Variants in NOS1 observed in about 807,000 individuals in gnomAD.
The protein encoded by NOS1 is nitric oxide synthase 1.
In NOS1, 51 loss-of-function variants were observed where a neutral mutation model predicts 164.5. The observed-to-expected ratio is 0.31, with a 90% CI of 0.25 to 0.39. NOS1 has a LOEUF of 0.39. Ranked by LOEUF, NOS1 falls within the 10% of genes least tolerant of loss-of-function variation. The pLI is 1.00. For missense variants in NOS1, 1,362 were observed against 1,885.6 expected (o/e 0.72, Z 5.14); for synonymous variants, 719 against 745.8 (o/e 0.96, Z 0.59).
chr12:117,290,889 C>A (rs764899713), intron 3 of NOS1, among the ~76,000 whole-genome samples: 2 of 152,084 alleles, frequency 1.3e-5, no homozygotes, highest in South Asian at 4.2e-4. Context: ...CCATTTCTGG[C>A]GAGTACTGAG....
intron 14 of NOS1, among the ~76,000 whole-genome samples, chr12:117,259,938 T>C (rs1408730547): frequency 4.0e-5 from 6 of 151,376 alleles, no homozygotes; most frequent in Non-Finnish European, 7.4e-5. Context: ...GCTAACACAG[T>C]GAAGCCCCGT....
At chr12:117,249,235 A>G (rs1870896971) in intron 17 of NOS1, among the ~76,000 whole-genome samples, 1 of 152,100 alleles carries the variant, frequency 6.6e-6, no homozygotes, top group African/African-American at 2.4e-5. Context: ...TGGTCAGGCA[A>G]CCCCAAGCTC....
Position 117,272,669 on chromosome 12 carries a change from A to C in NOS1, c.1665-110T>G. The C allele has an allele frequency of 9.8e-7, 1 of 1,018,708 alleles. No individual in the cohort carries two copies. The highest frequency in any genetic ancestry group is 1.4e-6 in the Non-Finnish European group (1 of 695,508). 63.1% of individuals were successfully genotyped at this position (1,018,708 alleles called of 1,614,324 possible). Reference sequence around the variant, plus strand: ...AGGATGGACTGGGACTGACAAGGTCAGAATATGGTTCCTGGGCCCTGCTTC... The same window carrying C: ...AGGATGGACTGGGACTGACAAGGTCCGAATATGGTTCCTGGGCCCTGCTTC... On this transcript the variant is annotated intron_variant, in intron 9 of 28. Transcript: ENST00000317775. This position sits in a 1 kb window ranked among gnomAD's most constrained non-coding sequence, Gnocchi z 4.3.
rs951443675 is a variant in NOS1, at chr12:117,220,207, C to T, written c.4038G>A (p.Glu1346=). The change falls in exon 27 of 29, where the codon GAG becomes GAA. Residue 1346 remains glutamate (E), a synonymous_variant. Transcript: ENST00000317775. ...CACAGACGTATATGTGGCCCCCTTGCTCCTTCAGGGCTCGGTACACAGACT... is the reference window on the plus strand; with the variant it reads ...CACAGACGTATATGTGGCCCCCTTGTTCCTTCAGGGCTCGGTACACAGACT... The part of the protein sequence containing the change: ...LAESVYRALK[E]QGGHIYVCGD... 35 of 1,613,604 alleles carry T rather than the reference C, an allele frequency of 2.2e-5. No homozygotes were observed. Among genetic ancestry groups the T allele is most frequent in the Non-Finnish European group, 3.0e-5 (35 of 1,179,984 alleles).
At chr12:117,322,950 G>A (rs1442785693) in intron 2 of NOS1, among the ~76,000 whole-genome samples, 2 of 149,432 alleles carry the variant, frequency 1.3e-5, no homozygotes, top group Non-Finnish European at 3.0e-5. Context: ...CTAAATGATG[G>A]GGATTCAGAG....
intron 3 of NOS1, among the ~76,000 whole-genome samples, chr12:117,292,597 G>C (rs779277493): frequency 2.6e-5 from 4 of 152,198 alleles, no homozygotes; most frequent in Non-Finnish European, 4.4e-5. Flanking sequence ...CCATTTTACA[G>C]ATTAGGAAAC....
chr12:117,306,858 G>T lies in NOS1; in HGVS notation c.852+4608C>A, dbSNP rs193190472. 3.3e-5 allele frequency among the ~76,000 whole-genome samples: 5 copies of T among 152,310 alleles called. No individual in the cohort carries two copies. In the East Asian group the frequency reaches 5.8e-4, roughly 18 times the overall value. On this transcript the variant is annotated intron_variant, in intron 3 of 28. Transcript: ENST00000317775. ...TGGTCTCAAACTCCTGACCTCAGGG[G>T]ATCTTCCCACCCTGGCCTCCCAAAG...
chr12:117,346,766 G>A (rs1209793201), intron 1 of NOS1, among the ~76,000 whole-genome samples: 1 of 152,016 alleles, frequency 6.6e-6, no homozygotes, highest in East Asian at 1.9e-4. Flanking sequence ...CTAAAGCCCC[G>A]TGTGACTTTT....
At chr12:117,257,607 C>CTTTTTTTTTTTTTT (rs151304592) in intron 16 of NOS1, among the ~76,000 whole-genome samples, 4 of 99,122 alleles carry the variant, frequency 4.0e-5, no homozygotes, top group Non-Finnish European at 7.5e-5. Flanking sequence ...TTGATTTTAG[C>CTTTTTTTTTTTTTT]TTTTTTTTTT....
intron 3 of NOS1, among the ~76,000 whole-genome samples, chr12:117,304,362 C>G (rs1156447166): frequency 6.6e-6 from 1 of 152,172 alleles, no homozygotes; most frequent in Non-Finnish European, 1.5e-5. Context: ...AAAACCCAGA[C>G]CAGGTGTCAC....
At chr12:117,222,292 G>T (rs1956719522) in intron 26 of NOS1, among the ~76,000 whole-genome samples, 1 of 152,062 alleles carries the variant, frequency 6.6e-6, no homozygotes, top group Admixed American at 6.6e-5. Flanking sequence ...GTCTCACTTT[G>T]TCACCCAGGC....
intron 18 of NOS1, chr12:117,245,501 T>C (rs1267276866): frequency 6.6e-6 from 1 of 152,136 alleles, no homozygotes; most frequent in African/African-American, 2.4e-5. Context: ...AGCAATGGGA[T>C]TTTTTTTAAA....
At position 117,225,053 on chromosome 12, in the gene NOS1, G is replaced by A. The variant is rs775450337; in HGVS notation, c.3789C>T (p.Ser1263=). 2 of 1,614,106 alleles carry A rather than the reference G, an allele frequency of 1.2e-6. No homozygotes were observed. Among genetic ancestry groups the A allele is most frequent in the Non-Finnish European group, 1.7e-6 (2 of 1,180,054 alleles). The change falls in exon 25 of 29, where the codon AGC becomes AGT. Residue 1263 remains serine, a synonymous_variant. Coordinates refer to ENST00000317775, the MANE Select transcript of NOS1 (RefSeq NM_000620.5). ...GPGTGIAPFR[S]FWQQRQFDIQ... is the part of the protein sequence containing the mutation. The stretch of plus-strand genomic sequence containing the variant: ...TATCAAATTGCCGCTGTTGCCAGAA[G>A]CTTCGGAAAGGGGCAATGCCGGTGC...
At chr12:117,261,303 C>T (rs533181070) in intron 13 of NOS1, among the ~76,000 whole-genome samples, 5 of 151,902 alleles carry the variant, frequency 3.3e-5, no homozygotes, top group African/African-American at 1.2e-4. Context: ...GTTTGCCAAG[C>T]ATTGCCTCAA....
At chr12:117,327,909 C>T (rs473640) in intron 2 of NOS1, among the ~76,000 whole-genome samples, 112,021 of 151,920 alleles carry the variant, frequency 0.74, 42,313 homozygotes, top group South Asian at 0.82. Context: ...TCTTGGGTCT[C>T]ACTGGAATTG....
Position 117,227,452 on chromosome 12 carries a change from T to C in NOS1, c.3595A>G (p.Ile1199Val). ...CCACCTCGAGTGCGGTAGGAAACGA[T>C]GGCCACAGTGAGGTGCACTTCATCA... is the stretch of plus-strand genomic sequence containing the variant. ...YPDEVHLTVAIVSYRTRDGEG... is the reference protein window; with the variant it reads ...YPDEVHLTVAVVSYRTRDGEG... Residue 1199 changes from isoleucine (I) to valine (V), a missense_variant, in exon 23 of 29, where the codon ATC (isoleucine) becomes GTC (valine). Ile to Val is a conservative substitution (Grantham distance 29, BLOSUM62 3). Transcript: ENST00000317775. The C allele has an allele frequency of 1.2e-6, 2 of 1,613,848 alleles. No homozygotes were observed. The highest frequency in any genetic ancestry group is 1.7e-6 in the Non-Finnish European group (2 of 1,179,964).
At chr12:117,294,014 G>T (rs2136030928) in intron 3 of NOS1, among the ~76,000 whole-genome samples, 1 of 152,204 alleles carries the variant, frequency 6.6e-6, no homozygotes, top group East Asian at 1.9e-4. Context: ...ATCTGGGCAG[G>T]GCTTTGTAGC....
chr12:117,300,784 G>A (rs1404303683), intron 3 of NOS1, among the ~76,000 whole-genome samples: 1 of 152,124 alleles, frequency 6.6e-6, no homozygotes, highest in Non-Finnish European at 1.5e-5. Context: ...CTGCAGCTTA[G>A]AACTAGGGAT....
At chr12:117,311,052 G>C (rs989562011) in intron 3 of NOS1, among the ~76,000 whole-genome samples, 2 of 152,150 alleles carry the variant, frequency 1.3e-5, no homozygotes, top group African/African-American at 4.8e-5. Context: ...TTTTTGTAGA[G>C]ATGGGGTTTC....
Sources: gnomAD v4.1 joint callset for allele counts (sites outside exome capture counted in the v4.1 genomes callset) on GRCh38, gnomAD v4.1.1 for gene constraint, Gnocchi (gnomAD v3.1) non-coding constraint, MANE v1.5 for transcripts, NCBI Gene and HGNC (gene_info 2026-07-23, HGNC 2026-07-21) for gene names.